The following ZNF385D variants were observed in gnomAD, a reference collection of about 807,000 sequenced individuals.
The protein encoded by ZNF385D is zinc finger protein 385D.
A neutral mutation model predicts 35.8 loss-of-function variants in ZNF385D; 15 were observed. That is an observed-to-expected ratio of 0.42 (90% confidence interval 0.28 to 0.64). The LOEUF is 0.64. Among genes scored for constraint, ZNF385D ranks in the 30% least tolerant of loss-of-function variants. The probability of loss-of-function intolerance (pLI) is 0.23; values close to 1 mark genes in which losing one functional copy is unlikely to be tolerated. For missense variants in ZNF385D, 474 were observed against 494.6 expected, an observed-to-expected ratio of 0.96 and a Z score of 0.39; for synonymous variants, 212 against 186.8, an observed-to-expected ratio of 1.13 and a Z score of -1.10.
At chr3:22,278,070 A>AT (rs1200800469) in intron 2 of ZNF385D, among the ~76,000 whole-genome samples, 1 of 152,064 alleles carries the variant, frequency 6.6e-6, no homozygotes, top group Non-Finnish European at 1.5e-5. Context: ...TTTTGTAATA[A>AT]TCTGCTTTAA....
At chr3:22,063,029 T>A (rs1234587243) in intron 3 of ZNF385D, among the ~76,000 whole-genome samples, 2 of 152,044 alleles carry the variant, frequency 1.3e-5, no homozygotes, top group Admixed American at 6.6e-5. Flanking sequence ...TTACACGGGA[T>A]AATTTTTTTT....
At chr3:22,353,323 T>A (rs529160288) in intron 2 of ZNF385D, among the ~76,000 whole-genome samples, 1 of 152,314 alleles carries the variant, frequency 6.6e-6, no homozygotes, top group African/African-American at 2.4e-5. Flanking sequence ...AATTCCACCA[T>A]GTCTCCTGGA....
intron 2 of ZNF385D, among the ~76,000 whole-genome samples, chr3:22,268,818 C>T (rs1389155143): frequency 1.3e-5 from 2 of 151,904 alleles, no homozygotes; most frequent in Non-Finnish European, 2.9e-5. Flanking sequence ...TTTTTACTTG[C>T]TAGCTGTATA....
chr3:21,507,700 T>C (rs1041947281), intron 4 of ZNF385D, among the ~76,000 whole-genome samples: 1 of 152,170 alleles, frequency 6.6e-6, no homozygotes, highest in Admixed American at 6.6e-5. Context: ...GCCTTCCAAG[T>C]AGGCGAGTCT....
chr3:22,097,870 G>C (rs541912210), intron 3 of ZNF385D, among the ~76,000 whole-genome samples: 2 of 151,994 alleles, frequency 1.3e-5, no homozygotes, highest in East Asian at 1.9e-4. Flanking sequence ...TTACGGCCTT[G>C]ACAGGAAGAG....
At chr3:21,866,034 A>G (rs577021044) in intron 3 of ZNF385D, among the ~76,000 whole-genome samples, 1 of 152,184 alleles carries the variant, frequency 6.6e-6, no homozygotes, top group East Asian at 1.9e-4. Context: ...TATTACATTC[A>G]TGTGTATCTA....
At chr3:21,452,779 T>A (rs1362095941) in intron 4 of ZNF385D, among the ~76,000 whole-genome samples, 1 of 151,986 alleles carries the variant, frequency 6.6e-6, no homozygotes, top group African/African-American at 2.4e-5. Context: ...ATGGCAATAC[T>A]ATCTAAATTA....
Position 22,244,766 on chromosome 3 carries a change from C to T in ZNF385D, c.107-75731G>A, listed in dbSNP as rs750511879. On this transcript the variant is annotated intron_variant, in intron 2 of 5. Coordinates refer to the ZNF385D transcript ENST00000494108. ...CCTCAGGTATATTAAAAAGTATCAGCGAGCTCTAAAATCATTGTAGGCACA... is the reference window on the plus strand; with the variant it reads ...CCTCAGGTATATTAAAAAGTATCAGTGAGCTCTAAAATCATTGTAGGCACA... Among the ~76,000 whole-genome samples, 26 of 150,826 alleles carry T rather than the reference C, an allele frequency of 1.7e-4. 1 individual carries two copies. The highest frequency in any genetic ancestry group is 4.0e-4 in the Admixed American group (6 of 15,110).
chr3:22,359,360 T>A (rs1696309345), intron 2 of ZNF385D, among the ~76,000 whole-genome samples: 1 of 151,708 alleles, frequency 6.6e-6, no homozygotes, highest in Admixed American at 6.6e-5. Context: ...GAAGAACAGA[T>A]GAGATTTTTA....
intron 3 of ZNF385D, among the ~76,000 whole-genome samples, chr3:22,136,310 C>T (rs1704100872): frequency 6.6e-6 from 1 of 152,112 alleles, no homozygotes; most frequent in African/African-American, 2.4e-5. Flanking sequence ...ATCGCTTGAA[C>T]CTGGGAGGCA....
chr3:22,259,276 G>A lies in ZNF385D; in HGVS notation c.107-90241C>T, dbSNP rs575452256. Among the ~76,000 whole-genome samples the A allele has an allele frequency of 8.3e-4, 126 of 151,946 alleles. 4 individuals are homozygous for A. In the South Asian group the frequency reaches 0.026, roughly 31 times the overall value. On this transcript the variant is annotated intron_variant, in intron 2 of 5. Transcript: ENST00000494108. Reference sequence around the variant, plus strand: ...ATCAGAAAAGTTATTAAGAATTGGGGAGTTGTTTACCTCATGGTGCCAGAT... The same window carrying A: ...ATCAGAAAAGTTATTAAGAATTGGGAAGTTGTTTACCTCATGGTGCCAGAT...
At chr3:22,117,473 A>G (rs1346608830) in intron 3 of ZNF385D, among the ~76,000 whole-genome samples, 4 of 152,050 alleles carry the variant, frequency 2.6e-5, no homozygotes, top group Non-Finnish European at 5.9e-5. Context: ...GAGGAGGAAA[A>G]GACAGGGAAT....
At chr3:21,834,779 G>GATCTTGA (rs1553681420) in intron 3 of ZNF385D, among the ~76,000 whole-genome samples, 2 of 151,786 alleles carry the variant, frequency 1.3e-5, no homozygotes, top group African/African-American at 2.4e-5. Context: ...ATGGATCTTG[G>GATCTTGA]GGCAGTTCCC....
At chr3:21,622,389 G>A (rs2065031594) in intron 2 of ZNF385D, among the ~76,000 whole-genome samples, 1 of 152,098 alleles carries the variant, frequency 6.6e-6, no homozygotes, top group Non-Finnish European at 1.5e-5. Context: ...TACTGAACCT[G>A]TCAAAGCAGA....
chr3:21,780,162 A>G (rs2071435019), intron 3 of ZNF385D, among the ~76,000 whole-genome samples: 1 of 151,994 alleles, frequency 6.6e-6, no homozygotes, highest in African/African-American at 2.4e-5. Context: ...AATATCAACA[A>G]ACCCTTACAT....
chr3:21,472,534 CTT>C (rs1484401222), intron 4 of ZNF385D, among the ~76,000 whole-genome samples: 5 of 152,286 alleles, frequency 3.3e-5, no homozygotes, highest in Non-Finnish European at 5.9e-5. Context: ...AAAAAGTCCT[CTT>C]GTTTCTATAT....
intron 3 of ZNF385D, among the ~76,000 whole-genome samples, chr3:22,122,929 G>T (rs562315810): frequency 7.4e-4 from 112 of 152,282 alleles, no homozygotes; most frequent in African/African-American, 2.6e-3. Context: ...AAAGGAGCAA[G>T]AAATGATTTA....
intron 3 of ZNF385D, among the ~76,000 whole-genome samples, chr3:21,543,744 C>T (rs569889881): frequency 1.8e-4 from 27 of 152,140 alleles, no homozygotes; most frequent in Admixed American, 1.1e-3. Flanking sequence ...TTCTTTTTTT[C>T]TTTCTTTCTA....
intron 2 of ZNF385D, among the ~76,000 whole-genome samples, chr3:21,589,148 A>G (rs1167240074): frequency 6.6e-6 from 1 of 152,172 alleles, no homozygotes; most frequent in East Asian, 1.9e-4. Flanking sequence ...AAAAGTATTG[A>G]ATTTTAGATA....
Sources: gnomAD v4.1 joint callset for allele counts (sites outside exome capture counted in the v4.1 genomes callset) on GRCh38, gnomAD v4.1.1 for gene constraint, MANE v1.5 for transcripts, NCBI Gene and HGNC (gene_info 2026-07-23, HGNC 2026-07-21) for gene names.